IMMP2L: variants seen among roughly 807,000 people sequenced by gnomAD.
IMMP2L encodes the protein inner mitochondrial membrane peptidase subunit 2, also known as mitochondrial inner membrane protease subunit 2.
IMMP2L carries 18 observed loss-of-function variants against 19.3 expected under a neutral mutation model. The observed-to-expected ratio is 0.93, with a 90% CI of 0.64 to 1.38. The LOEUF (loss-of-function observed/expected upper bound fraction) is 1.38. Among genes scored for constraint, IMMP2L ranks in the 40% most tolerant of loss-of-function variants. The pLI is 0.00. For missense variants in IMMP2L, 233 were observed against 218.2 expected, an observed-to-expected ratio of 1.07 and a Z score of -0.43; for synonymous variants, 76 against 73.0, an observed-to-expected ratio of 1.04 and a Z score of -0.21.
At chr7:110,929,653 C>T (rs1815257702) in intron 4 of IMMP2L, among the ~76,000 whole-genome samples, 1 of 152,286 alleles carries the variant, frequency 6.6e-6, no homozygotes, top group African/African-American at 2.4e-5. Flanking sequence ...TTGAACCTAA[C>T]TTTGCATAAT....
chr7:111,123,599 G>T lies in IMMP2L; in HGVS notation c.240-160034C>A. On this transcript the variant is annotated intron_variant, in intron 3 of 5. Transcript: ENST00000405709. The surrounding 1 kb of genome is among the most constrained non-coding windows in gnomAD (Gnocchi z 6.4). ...AATAAAAATCCTATTAATAGAATAC[G>T]AAGGGGTGATTTTAGCAATATGCTA... 6.2e-7 allele frequency: 1 copy of T among 1,613,138 alleles called. No homozygotes were observed. The highest frequency in any genetic ancestry group is 8.5e-7 in the Non-Finnish European group (1 of 1,179,388).
chr7:110,740,754 A>G (rs1244069972), intron 5 of IMMP2L, among the ~76,000 whole-genome samples: 1 of 152,130 alleles, frequency 6.6e-6, no homozygotes, highest in Non-Finnish European at 1.5e-5. Flanking sequence ...AAAATAAAAA[A>G]AAATAGAGTT....
chr7:111,404,579 T>C (rs1833755384), intron 3 of IMMP2L, among the ~76,000 whole-genome samples: 2 of 152,076 alleles, frequency 1.3e-5, no homozygotes, highest in African/African-American at 4.8e-5. Context: ...CACTTAACTA[T>C]TTCAGTGAAA....
intron 3 of IMMP2L, among the ~76,000 whole-genome samples, chr7:111,388,680 TGAG>T (rs1403341459): frequency 2.7e-5 from 4 of 150,736 alleles, no homozygotes; most frequent in African/African-American, 9.8e-5. Context: ...AAGAGAAAAA[TGAG>T]GAGGAAGCAA....
intron 3 of IMMP2L, among the ~76,000 whole-genome samples, chr7:111,220,443 T>A (rs1392572057): frequency 6.6e-6 from 1 of 152,050 alleles, no homozygotes; most frequent in Non-Finnish European, 1.5e-5. Flanking sequence ...AAAGCTAGAT[T>A]TAATTGCAGA....
chr7:110,773,056 A>G (rs956751359), intron 5 of IMMP2L, among the ~76,000 whole-genome samples: 5 of 152,086 alleles, frequency 3.3e-5, no homozygotes, highest in Admixed American at 2.6e-4. Context: ...GGAGATATAT[A>G]TTCCCAAGGC....
intron 5 of IMMP2L, among the ~76,000 whole-genome samples, chr7:110,706,852 A>G (rs1351610062): frequency 6.6e-6 from 1 of 151,914 alleles, no homozygotes; most frequent in African/African-American, 2.4e-5. Context: ...TAGTTTAATT[A>G]GGTCCCACTC....
chr7:111,095,747 T>C (rs1025333204), intron 3 of IMMP2L, among the ~76,000 whole-genome samples: 1 of 152,046 alleles, frequency 6.6e-6, no homozygotes, highest in Admixed American at 6.6e-5. Flanking sequence ...CATCTGTTTT[T>C]ACTTGGTTTC....
intron 3 of IMMP2L, among the ~76,000 whole-genome samples, chr7:111,184,567 G>A (rs1374871762): frequency 2.0e-5 from 3 of 152,008 alleles, no homozygotes; most frequent in African/African-American, 7.3e-5. Flanking sequence ...ATCATTAGAA[G>A]CAGTTGTAGC....
At chr7:111,321,801 A>C (rs1824746905) in intron 3 of IMMP2L, among the ~76,000 whole-genome samples, 1 of 152,020 alleles carries the variant, frequency 6.6e-6, no homozygotes, top group African/African-American at 2.4e-5. Flanking sequence ...ATTTAATTAA[A>C]AGGAATGGAA....
At chr7:111,305,726 T>C (rs1822795806) in intron 3 of IMMP2L, among the ~76,000 whole-genome samples, 1 of 152,194 alleles carries the variant, frequency 6.6e-6, no homozygotes, top group Non-Finnish European at 1.5e-5. Context: ...AACTTTAAAA[T>C]AATGAAGAAT....
chr7:110,685,322 C>T (rs1009186323), intron 5 of IMMP2L, among the ~76,000 whole-genome samples: 2 of 151,980 alleles, frequency 1.3e-5, no homozygotes, highest in African/African-American at 2.4e-5. Context: ...TTCTCATTGT[C>T]CAATGGGAAT....
In IMMP2L at chr7:111,207,353, C is replaced by T. The variant is rs546531264; in HGVS notation, c.240-243788G>A. 2.0e-5 allele frequency among the ~76,000 whole-genome samples: 3 copies of T among 152,214 alleles called. No homozygotes were observed. In the South Asian group the frequency reaches 6.2e-4, roughly 32 times the overall value. ...GATTATAGCCATAAAGCACTTACTG[C>T]AATTCCTAGAATAATGTAAGAGCTC... On this transcript the variant is annotated intron_variant, in intron 3 of 5. Coordinates refer to ENST00000405709, the MANE Select transcript of IMMP2L (RefSeq NM_032549.4).
chr7:110,920,283 G>A (rs192031130), intron 4 of IMMP2L, among the ~76,000 whole-genome samples: 85 of 152,210 alleles, frequency 5.6e-4, no homozygotes, highest in Admixed American at 5.4e-3. Flanking sequence ...TCCCTCTAGG[G>A]AACCCTAATA....
chr7:111,070,600 G>T (rs1450352082), intron 3 of IMMP2L, among the ~76,000 whole-genome samples: 1 of 152,096 alleles, frequency 6.6e-6, no homozygotes, highest in African/African-American at 2.4e-5. Context: ...GCCAAATTGA[G>T]CCTCATCCAA....
At chr7:111,197,258 G>C (rs1050717862) in intron 3 of IMMP2L, among the ~76,000 whole-genome samples, 1 of 151,894 alleles carries the variant, frequency 6.6e-6, no homozygotes, top group Non-Finnish European at 1.5e-5. Flanking sequence ...GTCAGGAGAT[G>C]GATACCATCC....
chr7:111,080,339 G>A (rs947830933), intron 3 of IMMP2L, among the ~76,000 whole-genome samples: 9 of 151,690 alleles, frequency 5.9e-5, no homozygotes, highest in Admixed American at 5.9e-4. Flanking sequence ...ACAAAACAAG[G>A]GCTGTTAGAT....
chr7:111,255,154 T>A (rs1037626014), intron 3 of IMMP2L, among the ~76,000 whole-genome samples: 1 of 152,084 alleles, frequency 6.6e-6, no homozygotes, highest in African/African-American at 2.4e-5. Flanking sequence ...AAGCATATCT[T>A]CCCACAGAAA....
chr7:111,478,680 C>T (rs1157404867), intron 3 of IMMP2L, among the ~76,000 whole-genome samples: 1 of 152,118 alleles, frequency 6.6e-6, no homozygotes, highest in African/African-American at 2.4e-5. Flanking sequence ...CCCACCTCGG[C>T]CTCCCAAAGT....
Sources: allele counts gnomAD v4.1 joint callset (sites outside exome capture counted in the v4.1 genomes callset), GRCh38; gene constraint gnomAD v4.1.1; non-coding constraint Gnocchi (gnomAD v3.1); transcripts MANE v1.5; gene names NCBI Gene and HGNC (gene_info 2026-07-23, HGNC 2026-07-21).